The following GIT2 variants were observed in gnomAD, a reference collection of about 807,000 sequenced individuals.
GIT2 encodes GIT ArfGAP 2.
A neutral mutation model predicts 100.3 loss-of-function variants in GIT2; 32 were observed. That is an observed-to-expected ratio of 0.32 (90% CI 0.24 to 0.43). The LOEUF is 0.43. Among genes scored for constraint, GIT2 ranks in the 20% least tolerant of loss-of-function variants. The pLI is 1.00. For synonymous variants in GIT2, 353 were observed against 364.1 expected (o/e 0.97, Z 0.35); for missense variants, 737 against 975.1 (o/e 0.76, Z 3.25).
chr12:109,944,408 G>A (rs1032211515), intron 16 of GIT2, among the ~76,000 whole-genome samples: 2 of 152,172 alleles, frequency 1.3e-5, no homozygotes, highest in Admixed American at 6.5e-5. Flanking sequence ...GAACTGGGAC[G>A]TGGATTTCAA....
intron 7 of GIT2, among the ~76,000 whole-genome samples, chr12:109,968,188 A>C (rs975930850): frequency 1.7e-4 from 26 of 152,202 alleles, no homozygotes; most frequent in African/African-American, 5.8e-4. Flanking sequence ...TTTGTTTTCC[A>C]AACAGCAATG....
chr12:109,940,103 A>T (rs929537593), intron 16 of GIT2: 1 of 152,136 alleles, frequency 6.6e-6, no homozygotes, highest in African/African-American at 2.4e-5. Context: ...GCTCAAATCT[A>T]CCCCTTAAAA....
chr12:109,938,851 G>A, intron 17 of GIT2: 2 of 492,200 alleles, frequency 4.1e-6, no homozygotes, highest in Non-Finnish European at 3.6e-6. Flanking sequence ...ATCCTCAGGT[G>A]GGCCAACTCC....
chr12:109,981,075 T>C (rs1185718829), intron 6 of GIT2, 29 bp from the exon 7 acceptor site: 13 of 1,369,556 alleles, frequency 9.5e-6, no homozygotes, highest in Non-Finnish European at 1.4e-5. Context: ...GTACCATTTA[T>C]ATTGCTCACT....
rs73419547 is a variant in GIT2 at position 109,952,221 on chromosome 12, T to C, written c.1242+871A>G. 4.9e-3 allele frequency among the ~76,000 whole-genome samples: 743 copies of C among 152,312 alleles called. 5 individuals are homozygous for C. The highest frequency in any genetic ancestry group is 0.017 in the African/African-American group (711 of 41,568). The stretch of plus-strand genomic sequence containing the variant: ...ATTGCCAAGACTTTTCTATTCTACC[T>C]TCCTATTCATCCATTCTCAAATGAT... On this transcript the variant is annotated intron_variant, in intron 13 of 19. Coordinates refer to ENST00000355312, the MANE Select transcript of GIT2 (RefSeq NM_057169.5).
intron 8 of GIT2, chr12:109,965,825 C>A (rs777937751): frequency 1.6e-6 from 1 of 624,908 alleles, no homozygotes; most frequent in African/African-American, 1.8e-5. Flanking sequence ...ACCAACTAAA[C>A]GACAAAAGCT....
At chr12:109,953,296 T>C in intron 12 of GIT2, 62 bp from the exon 13 acceptor site, 3 of 1,552,950 alleles carry the variant, frequency 1.9e-6, no homozygotes, top group Non-Finnish European at 2.7e-6. Context: ...TCCAAAAAAC[T>C]ACGGAGAGGA....
At chr12:109,982,187 GC>G (rs527999840) in intron 6 of GIT2, 17 of 152,268 alleles carry the variant, frequency 1.1e-4, no homozygotes, top group African/African-American at 1.7e-4. Context: ...GTCCCTCCCT[GC>G]CTCCTGATCT....
chr12:109,967,133 C>T (rs143482754), intron 8 of GIT2, among the ~76,000 whole-genome samples: 7 of 152,222 alleles, frequency 4.6e-5, no homozygotes, highest in African/African-American at 7.2e-5. Flanking sequence ...GAAAAGTCTG[C>T]CAACCCCTGT....
chr12:109,983,280 T>G, intron 6 of GIT2, 93 bp downstream of exon 6: 1 of 1,091,716 alleles, frequency 9.2e-7, no homozygotes, highest in East Asian at 2.4e-5. Context: ...TTAAAGGGGT[T>G]CAATATCAAC....
intron 16 of GIT2, among the ~76,000 whole-genome samples, chr12:109,944,885 C>T (rs991087294): frequency 6.6e-6 from 1 of 151,322 alleles, no homozygotes; most frequent in Non-Finnish European, 1.5e-5. Context: ...ACAGCAGTTT[C>T]AATCTGACAA....
intron 16 of GIT2, among the ~76,000 whole-genome samples, chr12:109,942,451 A>G (rs1417036513): frequency 1.3e-5 from 2 of 152,066 alleles, no homozygotes; most frequent in Admixed American, 6.6e-5. Context: ...CTCCTGCCTA[A>G]GCCTCCCAAG....
In GIT2 at chr12:109,939,275, A is replaced by G. The variant is rs574628229; in HGVS notation, c.1732-28T>C. The G allele has an allele frequency of 4.2e-5, 54 of 1,281,262 alleles. No individual in the cohort carries two copies. The South Asian group carries it at 5.9e-4, about 14-fold the overall frequency. The allele number at this position is 1,281,262 out of a possible 1,614,324, so 79.4% of individuals were successfully genotyped here. A position where few individuals can be genotyped will look rare whatever the true frequency, so the allele number is the denominator to read the frequency against. On this transcript the variant is annotated intron_variant, in intron 16 of 19. Coordinates refer to ENST00000355312, the MANE Select transcript of GIT2 (RefSeq NM_057169.5). The stretch of plus-strand genomic sequence containing the variant: ...ACAAGAAAGAAGAGGGACCCTCATG[A>G]GTTTGTAACATGAGACTCTTCTCAG...
rs1385247652 is a variant in GIT2 at position 109,969,136 on chromosome 12, C to T, written c.719-1633G>A. Among the ~76,000 whole-genome samples, 8 of 146,388 alleles carry T rather than the reference C, an allele frequency of 5.5e-5. No homozygotes were observed. In the East Asian group the frequency reaches 1.6e-3, roughly 29 times the overall value. On this transcript the variant is annotated intron_variant, in intron 7 of 19. Coordinates refer to ENST00000355312, the MANE Select transcript of GIT2 (RefSeq NM_057169.5). Reference sequence around the variant, plus strand: ...GTTGCTGGTCTTTTCACTTTCTTAACTAGTTTTCTCAGAACAAAACTTTTC... The same window carrying T: ...GTTGCTGGTCTTTTCACTTTCTTAATTAGTTTTCTCAGAACAAAACTTTTC...
At chr12:109,945,217 CG>C in intron 16 of GIT2, 42 bp downstream of exon 16, 1 of 963,110 alleles carries the variant, frequency 1.0e-6, no homozygotes, top group Middle Eastern at 2.1e-4. Flanking sequence ...CCCAGGAGCA[CG>C]GCCCCTCCTC....
chr12:109,956,758 T>A (rs891628787), intron 12 of GIT2, among the ~76,000 whole-genome samples: 1 of 152,202 alleles, frequency 6.6e-6, no homozygotes, highest in Non-Finnish European at 1.5e-5. Flanking sequence ...GGCTCATGCC[T>A]GTAATCCCAG....
Position 109,948,934 on chromosome 12 carries a change from CA to C in GIT2, c.1393-1431del. 4.7e-6 allele frequency: 4 copies of C among 843,150 alleles called. No individual in the cohort carries two copies. Among genetic ancestry groups the C allele is most frequent in the Non-Finnish European group, 7.7e-6 (4 of 520,658 alleles). 52.2% of individuals were successfully genotyped at this position (843,150 alleles called of 1,614,324 possible). Reference sequence around the variant, plus strand: ...ACTTTACCCAACTTTGAAATATAATCAATACATCTTTGCTAAATAAACAAAT... The same window carrying C: ...ACTTTACCCAACTTTGAAATATAATCATACATCTTTGCTAAATAAACAAAT... On this transcript the variant is annotated intron_variant, in intron 14 of 19. Transcript: ENST00000355312. This position sits in a 1 kb window ranked among gnomAD's most constrained non-coding sequence, Gnocchi z 4.3.
At chr12:109,983,945 T>C (rs563033515) in intron 4 of GIT2, 6 of 440,114 alleles carry the variant, frequency 1.4e-5, no homozygotes, top group African/African-American at 1.2e-4. Flanking sequence ...GCATGACTTA[T>C]CTAAGAAGTG....
chr12:109,945,543 G>T (rs1876097491), intron 15 of GIT2, among the ~76,000 whole-genome samples, 194 bp from the exon 16 acceptor site: 2 of 152,076 alleles, frequency 1.3e-5, no homozygotes, highest in Non-Finnish European at 2.9e-5. Flanking sequence ...AAATTACTCT[G>T]AATTTAATAA....
Sources: allele counts gnomAD v4.1 joint callset (sites outside exome capture counted in the v4.1 genomes callset), GRCh38; gene constraint gnomAD v4.1.1; non-coding constraint Gnocchi (gnomAD v3.1); transcripts MANE v1.5; gene names NCBI Gene and HGNC (gene_info 2026-07-23, HGNC 2026-07-21).